The following SRGAP3 variants were observed in gnomAD, a reference collection of about 807,000 sequenced individuals.
The protein encoded by SRGAP3 is SLIT-ROBO Rho GTPase-activating protein 3.
SRGAP3 carries 39 observed loss-of-function variants against 121.1 expected under a neutral mutation model. That is an observed-to-expected ratio of 0.32 (90% CI 0.25 to 0.42). The LOEUF (loss-of-function observed/expected upper bound fraction) is 0.42, where lower values mean the gene tolerates loss of function less well. Among genes scored for constraint, SRGAP3 ranks in the 10% least tolerant of loss-of-function variants. The pLI, the probability that SRGAP3 is intolerant of heterozygous loss-of-function variation, is 1.00. For missense variants in SRGAP3, 1,213 were observed against 1,470.6 expected, an observed-to-expected ratio of 0.82 and a Z score of 2.86; for synonymous variants, 601 against 570.0, an observed-to-expected ratio of 1.05 and a Z score of -0.77.
chr3:9,087,079 T>C (rs1341256386), intron 3 of SRGAP3, among the ~76,000 whole-genome samples: 7 of 151,966 alleles, frequency 4.6e-5, no homozygotes, highest in African/African-American at 1.7e-4. Context: ...ACACATTATA[T>C]GTATATGTGT....
At chr3:9,346,199 T>A (rs1559286893) in intron 1 of SRGAP3, among the ~76,000 whole-genome samples, 1 of 152,066 alleles carries the variant, frequency 6.6e-6, no homozygotes, top group Non-Finnish European at 1.5e-5. Flanking sequence ...ATTTTTTTTT[T>A]TAGTATGTTA....
intron 1 of SRGAP3, among the ~76,000 whole-genome samples, chr3:9,247,679 T>A (rs1574937059): frequency 6.6e-6 from 1 of 152,180 alleles, no homozygotes; most frequent in South Asian, 2.1e-4. Flanking sequence ...ATACCCAACT[T>A]GCTCAACAGC....
intron 1 of SRGAP3, among the ~76,000 whole-genome samples, chr3:9,248,644 ACAC>A (rs1360773380): frequency 1.3e-5 from 2 of 152,190 alleles, no homozygotes; most frequent in Non-Finnish European, 2.9e-5. Flanking sequence ...TCCTCCTCAC[ACAC>A]CTGCAATGCA....
chr3:9,097,525 C>G (rs896390757), intron 3 of SRGAP3, among the ~76,000 whole-genome samples: 8 of 152,190 alleles, frequency 5.3e-5, no homozygotes, highest in Non-Finnish European at 1.0e-4. Context: ...GACTACCCAC[C>G]TCTTCGTGAT....
chr3:9,122,755 C>T (rs555901140), intron 2 of SRGAP3, among the ~76,000 whole-genome samples: 5 of 151,164 alleles, frequency 3.3e-5, no homozygotes, highest in Admixed American at 1.3e-4. Flanking sequence ...AAAAGAAGCA[C>T]GGTATTTGCA....
intron 3 of SRGAP3, among the ~76,000 whole-genome samples, chr3:9,257,968 G>A (rs1199745050): frequency 6.6e-6 from 1 of 152,118 alleles, no homozygotes; most frequent in East Asian, 1.9e-4. Flanking sequence ...CTCCCAAAGT[G>A]CTGGGATTAT....
In SRGAP3 at chr3:8,992,996, G is replaced by T. The variant is rs1403983614; in HGVS notation, c.2468C>A (p.Pro823Gln). Residue 823 changes from proline (P) to glutamine (Q), a missense_variant, in exon 20 of 22, where the codon CCA becomes CAA. Pro to Gln is a moderately conservative substitution (Grantham distance 76). Transcript: ENST00000383836. ...QKADSEASSG[P>Q]LLDDKASSKN... is the part of the protein sequence containing the mutation. The stretch of plus-strand genomic sequence containing the variant: ...GGAAGAGGCCTTGTCATCCAGCAAT[G>T]GCCCACTGCTGGCCTCGCTGTCAGC... 6.2e-7 allele frequency: 1 copy of T among 1,614,234 alleles called. No individual in the cohort carries two copies. The highest frequency in any genetic ancestry group is 8.5e-7 in the Non-Finnish European group (1 of 1,180,052).
At chr3:9,206,561 T>C (rs981123038) in intron 1 of SRGAP3, among the ~76,000 whole-genome samples, 1 of 152,182 alleles carries the variant, frequency 6.6e-6, no homozygotes, top group Non-Finnish European at 1.5e-5. Context: ...CCTTGGCTGA[T>C]GGTGCTCCTG....
intron 1 of SRGAP3, among the ~76,000 whole-genome samples, chr3:9,240,025 C>T (rs1953566916): frequency 6.6e-6 from 1 of 152,192 alleles, no homozygotes; most frequent in Non-Finnish European, 1.5e-5. Context: ...GCGATTCACA[C>T]TTAACACAAG....
intron 1 of SRGAP3, among the ~76,000 whole-genome samples, chr3:9,211,358 A>G (rs971201792): frequency 1.3e-5 from 2 of 152,178 alleles, no homozygotes; most frequent in Admixed American, 1.3e-4. Flanking sequence ...AAAACCACCA[A>G]GTTCTGTCTT....
intron 15 of SRGAP3, chr3:9,014,122 G>A: frequency 2.1e-6 from 1 of 482,266 alleles, no homozygotes; most frequent in Non-Finnish European, 3.8e-6. Context: ...TTGGACCTGG[G>A]TAGAGGGAAG....
intron 1 of SRGAP3, among the ~76,000 whole-genome samples, chr3:9,346,603 G>A (rs1955894627): frequency 6.6e-6 from 1 of 152,018 alleles, no homozygotes; most frequent in South Asian, 2.1e-4. Context: ...TGGTCTAGAT[G>A]CCTCCAAATC....
At chr3:9,357,270 T>C (rs912063474) in intron 1 of SRGAP3, among the ~76,000 whole-genome samples, 12 of 152,140 alleles carry the variant, frequency 7.9e-5, no homozygotes, top group African/African-American at 2.9e-4. Flanking sequence ...TTTTTTTAAT[T>C]GATAATGGGA....
chr3:9,051,398 C>T (rs917857175), intron 9 of SRGAP3, among the ~76,000 whole-genome samples: 1 of 152,150 alleles, frequency 6.6e-6, no homozygotes, highest in African/African-American at 2.4e-5. Context: ...GGAAGCCATG[C>T]TTACTGAATC....
chr3:9,285,639 CTAAGCA>C (rs1168696493), intron 3 of SRGAP3, among the ~76,000 whole-genome samples: 1 of 152,036 alleles, frequency 6.6e-6, no homozygotes, highest in Non-Finnish European at 1.5e-5. Context: ...TTCATCAAAC[CTAAGCA>C]TAAAACCAGT....
At chr3:9,327,729 T>G (rs1955542740) in intron 2 of SRGAP3, among the ~76,000 whole-genome samples, 1 of 152,246 alleles carries the variant, frequency 6.6e-6, no homozygotes, top group African/African-American at 2.4e-5. Flanking sequence ...TAGCATTTTA[T>G]GAAGCATTTA....
chr3:9,027,116 C>A lies in SRGAP3; in HGVS notation c.1540-121G>T, dbSNP rs921774304. The stretch of plus-strand genomic sequence containing the variant: ...TAGTACCATCAGATTAGTAGGAAAA[C>A]AAGCAAGGAACTGCTAATCCTAAAG... On this transcript the variant is annotated intron_variant, in intron 12 of 21. Transcript: ENST00000383836. 5 of 928,434 alleles carry A rather than the reference C, an allele frequency of 5.4e-6. No individual in the cohort carries two copies. The African/African-American group carries it at 8.1e-5, about 15-fold the overall frequency. 57.5% of individuals were successfully genotyped at this position (928,434 alleles called of 1,614,324 possible).
chr3:9,289,432 T>G (rs148402962), intron 3 of SRGAP3, among the ~76,000 whole-genome samples: 1 of 152,224 alleles, frequency 6.6e-6, no homozygotes, highest in Non-Finnish European at 1.5e-5. Flanking sequence ...CCTTGAGATC[T>G]GGGAAAAGAC....
chr3:9,108,545 G>T (rs1398855949), intron 2 of SRGAP3, among the ~76,000 whole-genome samples: 1 of 152,210 alleles, frequency 6.6e-6, no homozygotes, highest in Admixed American at 6.5e-5. Flanking sequence ...TGGAGCCCGG[G>T]AGGTGGAAGC....
Sources: gnomAD v4.1 joint callset for allele counts (sites outside exome capture counted in the v4.1 genomes callset) on GRCh38, gnomAD v4.1.1 for gene constraint, MANE v1.5 for transcripts, NCBI Gene and HGNC (gene_info 2026-07-23, HGNC 2026-07-21) for gene names.